PTPRR: variants seen among roughly 807,000 people sequenced by gnomAD.
PTPRR encodes protein tyrosine phosphatase receptor type R.
PTPRR carries 38 observed loss-of-function variants against 77.2 expected under a neutral mutation model. The ratio of observed to expected loss-of-function variants is 0.49; its 90% CI spans 0.38 to 0.65. The LOEUF (loss-of-function observed/expected upper bound fraction) is 0.65. Ranked by LOEUF, PTPRR falls within the 30% of genes least tolerant of loss-of-function variation. The probability of loss-of-function intolerance (pLI) is 0.00; values close to 1 mark genes in which losing one functional copy is unlikely to be tolerated. For missense variants in PTPRR, 744 were observed against 799.2 expected, an observed-to-expected ratio of 0.93 and a Z score of 0.83; for synonymous variants, 299 against 283.1, an observed-to-expected ratio of 1.06 and a Z score of -0.57.
intron 2 of PTPRR, among the ~76,000 whole-genome samples, chr12:70,840,326 C>G (rs777600679): frequency 1.6e-4 from 25 of 152,248 alleles, no homozygotes; most frequent in Non-Finnish European, 2.8e-4. Context: ...TTCTGACGTC[C>G]TCTCCTGTCT....
intron 2 of PTPRR, among the ~76,000 whole-genome samples, chr12:70,835,068 G>C (rs1592784495): frequency 6.6e-6 from 1 of 152,076 alleles, no homozygotes; most frequent in East Asian, 1.9e-4. Flanking sequence ...TGGGATAATA[G>C]CTCCCATAAA....
At chr12:70,768,473 T>C (rs891776007) in intron 2 of PTPRR, among the ~76,000 whole-genome samples, 2 of 152,142 alleles carry the variant, frequency 1.3e-5, no homozygotes, top group Non-Finnish European at 2.9e-5. Context: ...AAGTTGAATC[T>C]CTGAATAGAC....
chr12:70,824,421 T>A (rs1013571237), intron 2 of PTPRR, among the ~76,000 whole-genome samples: 2 of 152,310 alleles, frequency 1.3e-5, no homozygotes, highest in East Asian at 3.9e-4. Context: ...ATAATCATAC[T>A]ATAAAATTTG....
At chr12:70,772,234 AT>A (rs1302362855) in intron 2 of PTPRR, among the ~76,000 whole-genome samples, 1 of 152,176 alleles carries the variant, frequency 6.6e-6, no homozygotes, top group Non-Finnish European at 1.5e-5. Flanking sequence ...ATCAATAACT[AT>A]TGAATGGCTG....
chr12:70,754,592 A>G, intron 4 of PTPRR: 2 of 1,597,818 alleles, frequency 1.3e-6, no homozygotes, highest in Non-Finnish European at 1.7e-6. Flanking sequence ...TACCTGGTTC[A>G]TAGGTAAGAG....
At chr12:70,748,687 A>T (rs919610012) in intron 5 of PTPRR, among the ~76,000 whole-genome samples, 1 of 152,342 alleles carries the variant, frequency 6.6e-6, no homozygotes, top group South Asian at 2.1e-4. Context: ...GCTTTTCTGC[A>T]GCTTAAAATT....
At chr12:70,738,623 G>T (rs866658576) in intron 6 of PTPRR, among the ~76,000 whole-genome samples, 2 of 152,236 alleles carry the variant, frequency 1.3e-5, no homozygotes, top group African/African-American at 4.8e-5. Context: ...GAATCTTTCA[G>T]ATTCATAAGT....
At chr12:70,724,085 T>A (rs1473014844) in intron 6 of PTPRR, among the ~76,000 whole-genome samples, 1 of 152,170 alleles carries the variant, frequency 6.6e-6, no homozygotes, top group East Asian at 1.9e-4. Context: ...TTGTAAAAAA[T>A]GACCATTTTG....
intron 2 of PTPRR, among the ~76,000 whole-genome samples, chr12:70,786,853 C>G (rs1311358732): frequency 6.6e-6 from 1 of 152,100 alleles, no homozygotes; most frequent in Non-Finnish European, 1.5e-5. Flanking sequence ...TAATGTCTTT[C>G]AACTTTTTTC....
chr12:70,643,886 C>A (rs1886101424), intron 13 of PTPRR, among the ~76,000 whole-genome samples: 1 of 152,074 alleles, frequency 6.6e-6, no homozygotes, highest in Non-Finnish European at 1.5e-5. Context: ...TCCCAAGTAG[C>A]TGGGACTACA....
At chr12:70,740,158 A>AATAT (rs1889999931) in intron 6 of PTPRR, among the ~76,000 whole-genome samples, 2 of 152,138 alleles carry the variant, frequency 1.3e-5, no homozygotes, top group Non-Finnish European at 2.9e-5. Flanking sequence ...GAAATAAAAT[A>AATAT]ATATATATGA....
chr12:70,654,388 G>A lies in PTPRR; in HGVS notation c.1880+2316C>T, dbSNP rs190871331. On this transcript the variant is annotated intron_variant, in intron 13 of 13. Coordinates refer to ENST00000283228, the MANE Select transcript of PTPRR (RefSeq NM_002849.4). ...AGTCCAGGAGTTCGAGACTGGCCTG[G>A]GCAACATGGCAAAGCCCCAGCTCTA... Among the ~76,000 whole-genome samples, 605 of 152,178 alleles carry A rather than the reference G, an allele frequency of 4.0e-3. 3 individuals carry two copies. Among genetic ancestry groups the A allele is most frequent in the Non-Finnish European group, 6.0e-3 (411 of 68,018 alleles).
Position 70,764,727 on chromosome 12 carries a change from G to A in PTPRR, c.409C>T (p.Arg137Cys), listed in dbSNP as rs373436060. 203 of 1,614,010 alleles carry A rather than the reference G, an allele frequency of 1.3e-4. No individual in the cohort carries two copies. Among genetic ancestry groups the A allele is most frequent in the Non-Finnish European group, 1.6e-4 (185 of 1,180,014 alleles). Residue 137 changes from arginine to cysteine, a missense_variant, in exon 3 of 14, where the codon CGC becomes TGC. This residue lies in a region of PTPRR where 570 missense variants were observed against 573.2 expected (regional missense o/e 0.99). Transcript: ENST00000283228. ...KLNITLLRIF[R>C]QGVAAALGLL... ...CCTAAAGCTGCAGCCACTCCTTGGC[G>A]GAAGATCCGAAGCAAGGTTATGTTC... is the stretch of plus-strand genomic sequence containing the variant.
intron 2 of PTPRR, among the ~76,000 whole-genome samples, chr12:70,836,520 T>C (rs1290426718): frequency 6.6e-6 from 1 of 151,984 alleles, no homozygotes; most frequent in Non-Finnish European, 1.5e-5. Flanking sequence ...GTCCAAAACC[T>C]TAACATGATC....
intron 2 of PTPRR, among the ~76,000 whole-genome samples, chr12:70,765,075 T>G (rs373880369): frequency 6.6e-6 from 1 of 152,168 alleles, no homozygotes; most frequent in South Asian, 2.1e-4. Context: ...GCTCCCAGTG[T>G]GAGTGATGCA....
At chr12:70,850,151 C>G (rs1892548373) in intron 2 of PTPRR, among the ~76,000 whole-genome samples, 1 of 152,092 alleles carries the variant, frequency 6.6e-6, no homozygotes, top group Admixed American at 6.6e-5. Context: ...CACCTGAGGT[C>G]AGGAGTTTGA....
chr12:70,735,418 C>A (rs1171570650), intron 6 of PTPRR, among the ~76,000 whole-genome samples: 1 of 152,098 alleles, frequency 6.6e-6, no homozygotes, highest in African/African-American at 2.4e-5. Context: ...GTGCAAGGGA[C>A]CTGCCCTTTA....
At chr12:70,657,485 T>C (rs1361837248) in intron 12 of PTPRR, among the ~76,000 whole-genome samples, 1 of 152,206 alleles carries the variant, frequency 6.6e-6, no homozygotes, top group Non-Finnish European at 1.5e-5. Flanking sequence ...GATATGTCCA[T>C]AAAATCAACC....
intron 2 of PTPRR, among the ~76,000 whole-genome samples, chr12:70,796,301 G>A (rs77667303): frequency 0.015 from 2,227 of 152,090 alleles, 60 homozygotes; most frequent in African/African-American, 0.051. Context: ...CAATAAAAGT[G>A]AGTAAAATGA....
Sources: gnomAD v4.1 joint callset for allele counts (sites outside exome capture counted in the v4.1 genomes callset) on GRCh38, gnomAD v4.1.1 for gene constraint, gnomAD v4.1.1 regional missense constraint, MANE v1.5 for transcripts, NCBI Gene and HGNC (gene_info 2026-07-23, HGNC 2026-07-21) for gene names.